Variants in TMC1 observed in about 807,000 individuals in gnomAD.
TMC1 encodes the protein transmembrane channel-like protein 1.
In TMC1, 84 loss-of-function variants were observed where a neutral mutation model predicts 105.8. The observed-to-expected ratio is 0.79, with a 90% CI of 0.67 to 0.95. The LOEUF (loss-of-function observed/expected upper bound fraction) is 0.95. Ranked by LOEUF, TMC1 falls within the 40% of genes least tolerant of loss-of-function variation. The pLI is 0.00. For missense variants in TMC1, 817 were observed against 914.1 expected (o/e 0.89, Z 1.37); for synonymous variants, 315 against 311.5 (o/e 1.01, Z -0.12).
intron 13 of TMC1, among the ~76,000 whole-genome samples, chr9:72,783,897 G>T (rs1251259768): frequency 6.6e-6 from 1 of 152,060 alleles, no homozygotes; most frequent in Non-Finnish European, 1.5e-5. Context: ...ACTCAAGGTG[G>T]GTTAAAGACT....
intron 5 of TMC1, among the ~76,000 whole-genome samples, chr9:72,655,577 C>G (rs910928296): frequency 2.0e-5 from 3 of 151,968 alleles, no homozygotes; most frequent in Non-Finnish European, 4.4e-5. Flanking sequence ...CCAGTCTCTA[C>G]TAAATATACA....
At chr9:72,665,276 A>T (rs1258730973) in intron 5 of TMC1, among the ~76,000 whole-genome samples, 1 of 152,186 alleles carries the variant, frequency 6.6e-6, no homozygotes, top group Non-Finnish European at 1.5e-5. Flanking sequence ...CCTTGGTTTT[A>T]TGACATCTTC....
chr9:72,838,113 T>C lies in TMC1; in HGVS notation c.*2140T>C, dbSNP rs1829153690. 6.6e-6 allele frequency: 1 copy of C among 152,260 alleles called. No individual in the cohort carries two copies. The highest frequency in any genetic ancestry group is 6.5e-5 in the Admixed American group (1 of 15,290). The allele number at this position is 152,260 out of a possible 1,614,324, so 9.4% of individuals were successfully genotyped here. A position where few individuals can be genotyped will look rare whatever the true frequency, so the allele number is the denominator to read the frequency against. ...CACAAGTAGGCGCTGAATAAATGCTTGCTAATTAAATTGAATCAATTTAAC... is the reference window on the plus strand; with the variant it reads ...CACAAGTAGGCGCTGAATAAATGCTCGCTAATTAAATTGAATCAATTTAAC... On this transcript the variant is annotated 3_prime_UTR_variant, in exon 24 of 24. Coordinates refer to ENST00000297784, the MANE Select transcript of TMC1 (RefSeq NM_138691.3).
intron 17 of TMC1, among the ~76,000 whole-genome samples, chr9:72,801,226 CA>C (rs1486116345): frequency 6.6e-6 from 1 of 152,170 alleles, no homozygotes. Flanking sequence ...AGGTGGGCAG[CA>C]GAGCCATTCC....
chr9:72,706,505 A>C (rs1050802372), intron 8 of TMC1, among the ~76,000 whole-genome samples: 5 of 152,028 alleles, frequency 3.3e-5, no homozygotes, highest in African/African-American at 1.2e-4. Context: ...GATTTATTAG[A>C]TTTTGGTGCA....
At chr9:72,569,405 G>A (rs1824228922) in intron 1 of TMC1, among the ~76,000 whole-genome samples, 1 of 152,006 alleles carries the variant, frequency 6.6e-6, no homozygotes, top group Non-Finnish European at 1.5e-5. Context: ...CTTCTATTTG[G>A]TATACTGAAA....
In TMC1 at chr9:72,754,862, T is replaced by TGTAA; in HGVS notation, c.719_720insGTAA (p.Phe240LeufsTer2). 1.2e-6 allele frequency: 2 copies of TGTAA among 1,614,022 alleles called. No homozygotes were observed. The highest frequency in any genetic ancestry group is 1.7e-6 in the Non-Finnish European group (2 of 1,179,914). The stretch of plus-strand genomic sequence containing the variant: ...GCCGAAGAGGCATCGGCAGCAAACT[T>TGTAA]TGGTGTGTTGTACGACTTCAATGTA... On this transcript the variant is annotated stop_gained and frameshift_variant, in exon 12 of 24. Coordinates refer to ENST00000297784, the MANE Select transcript of TMC1 (RefSeq NM_138691.3). LOFTEE classifies it high-confidence loss of function.
Position 72,830,751 on chromosome 9 carries a change from T to A in TMC1, c.2260+69T>A, listed in dbSNP as rs183377835. On this transcript the variant is annotated intron_variant, in intron 23 of 23. Transcript: ENST00000297784. ...TTCTTTTTCTTTCTTTTTTTTTTTT[T>A]TTTGCTTTTTCTCCATTGGATGGTG... The A allele has an allele frequency of 1.6e-4, 223 of 1,425,000 alleles. 1 individual carries two copies. The African/African-American group carries it at 3.0e-3, about 19-fold the overall frequency. The allele number at this position is 1,425,000 out of a possible 1,614,324, so 88.3% of individuals were successfully genotyped here.
chr9:72,602,366 A>ATTTTT (rs66682329), intron 2 of TMC1, among the ~76,000 whole-genome samples: 1 of 86,552 alleles, frequency 1.2e-5, no homozygotes, highest in Non-Finnish European at 2.1e-5. Flanking sequence ...CCTATTGGTG[A>ATTTTT]TTTTTTTTTT....
At chr9:72,674,824 C>G (rs1001418998) in intron 5 of TMC1, among the ~76,000 whole-genome samples, 3 of 152,112 alleles carry the variant, frequency 2.0e-5, no homozygotes, top group Admixed American at 6.6e-5. Context: ...TGGTCTTTGT[C>G]CATGGAATCC....
chr9:72,795,572 A>C (rs1421813144), intron 17 of TMC1, among the ~76,000 whole-genome samples: 1 of 152,190 alleles, frequency 6.6e-6, no homozygotes, highest in Non-Finnish European at 1.5e-5. Flanking sequence ...AGGAGAAATA[A>C]GATAATTTTT....
intron 12 of TMC1, among the ~76,000 whole-genome samples, chr9:72,757,872 T>A (rs1588068830): frequency 6.6e-6 from 1 of 152,126 alleles, no homozygotes; most frequent in African/African-American, 2.4e-5. Context: ...GGAAACCGAA[T>A]TGGGATGCAG....
chr9:72,806,344 G>A (rs1230889737), intron 18 of TMC1, among the ~76,000 whole-genome samples: 1 of 147,756 alleles, frequency 6.8e-6, no homozygotes, highest in Non-Finnish European at 1.5e-5. Context: ...CTGGCCGGGT[G>A]GGGGGCTGAC....
chr9:72,618,070 C>T (rs539484182), intron 3 of TMC1, among the ~76,000 whole-genome samples: 10 of 134,686 alleles, frequency 7.4e-5, no homozygotes, highest in African/African-American at 2.5e-4. Flanking sequence ...ATTTTGTTAC[C>T]CAGGCTGGAG....
intron 8 of TMC1, among the ~76,000 whole-genome samples, chr9:72,738,943 C>T (rs1026072222): frequency 6.6e-6 from 1 of 152,054 alleles, no homozygotes; most frequent in Non-Finnish European, 1.5e-5. Flanking sequence ...GAGCTGAAGA[C>T]AAGCCTGGAT....
intron 4 of TMC1, among the ~76,000 whole-genome samples, chr9:72,632,321 C>T (rs755831281): frequency 2.6e-4 from 39 of 152,076 alleles, no homozygotes; most frequent in Non-Finnish European, 5.3e-4. Flanking sequence ...ACCCCATGAC[C>T]CAAACACCTC....
chr9:72,613,772 G>A (rs887948136), intron 2 of TMC1, among the ~76,000 whole-genome samples: 15 of 152,198 alleles, frequency 9.9e-5, no homozygotes, highest in African/African-American at 3.6e-4. Flanking sequence ...TGTGGGAGGA[G>A]TGTAACTGAT....
In TMC1 at chr9:72,690,230, C is replaced by A. The variant is rs377286567; in HGVS notation, c.64+1474C>A. ...ACCTCAATTGCATACTAAAACTCTA[C>A]ACTTCTACTTTCCTTGACACTTAAT... is the stretch of plus-strand genomic sequence containing the variant. On this transcript the variant is annotated intron_variant, in intron 6 of 23. Transcript: ENST00000297784. Among the ~76,000 whole-genome samples the A allele has an allele frequency of 5.9e-5, 9 of 152,194 alleles. No homozygotes were observed. In the East Asian group the frequency reaches 9.6e-4, roughly 16 times the overall value.
intron 18 of TMC1, among the ~76,000 whole-genome samples, chr9:72,811,665 A>G (rs1043692757): frequency 7.2e-5 from 11 of 152,214 alleles, no homozygotes; most frequent in African/African-American, 2.7e-4. Flanking sequence ...CAATAAACTC[A>G]GCATGGTGTT....
Sources: gnomAD v4.1 joint callset for allele counts (sites outside exome capture counted in the v4.1 genomes callset) on GRCh38, gnomAD v4.1.1 for gene constraint, MANE v1.5 for transcripts, NCBI Gene and HGNC (gene_info 2026-07-23, HGNC 2026-07-21) for gene names.